NCF2: variants seen among roughly 807,000 people sequenced by gnomAD.
The protein encoded by NCF2 is neutrophil cytosolic factor 2, also known as neutrophil cytosol factor 2.
NCF2 carries 45 observed loss-of-function variants against 70.9 expected under a neutral mutation model. The ratio of observed to expected loss-of-function variants is 0.63; its 90% confidence interval spans 0.50 to 0.81. The LOEUF is 0.81. Among genes scored for constraint, NCF2 ranks in the 40% least tolerant of loss-of-function variants. NCF2 has a pLI of 0.00. For synonymous variants in NCF2, 203 were observed against 233.6 expected, an observed-to-expected ratio of 0.87 and a Z score of 1.19; for missense variants, 522 against 631.6, an observed-to-expected ratio of 0.83 and a Z score of 1.86.
At chr1:183,559,031 A>G (rs1056612346) in intron 14 of NCF2, among the ~76,000 whole-genome samples, 2 of 152,220 alleles carry the variant, frequency 1.3e-5, no homozygotes, top group African/African-American at 4.8e-5. Flanking sequence ...AGGCTGGCAA[A>G]CCACGAGTTG....
chr1:183,560,659 T>C (rs778858758), intron 13 of NCF2, among the ~76,000 whole-genome samples: 1 of 152,242 alleles, frequency 6.6e-6, no homozygotes, highest in Non-Finnish European at 1.5e-5. Flanking sequence ...GAGAATCTAA[T>C]GCTGCTGCTG....
At chr1:183,598,790 G>T in the NCF2 span, among the ~76,000 whole-genome samples, 1 of 152,274 alleles carries the variant, frequency 6.6e-6, no homozygotes, top group South Asian at 2.1e-4. Flanking sequence ...GTTGCTAGCT[G>T]CTTTAAAGAA....
chr1:183,572,553 T>G (rs909935800), intron 5 of NCF2, among the ~76,000 whole-genome samples: 2 of 152,338 alleles, frequency 1.3e-5, no homozygotes, highest in East Asian at 3.9e-4. Flanking sequence ...GGGGAAAGAC[T>G]CCTCAGCCCA....
intron 8 of NCF2, 86 bp from the exon 9 acceptor site, chr1:183,567,074 G>A: frequency 6.2e-7 from 1 of 1,606,654 alleles, no homozygotes; most frequent in Non-Finnish European, 8.5e-7. Context: ...CAGAGTCCTG[G>A]GGAAGGGATG....
chr1:183,571,149 G>A (rs1043723598), intron 5 of NCF2, among the ~76,000 whole-genome samples: 6 of 120,452 alleles, frequency 5.0e-5, no homozygotes, highest in African/African-American at 1.3e-4. Flanking sequence ...ACGGAGTCAC[G>A]CTCTGTTACC....
At position 183,564,098 on chromosome 1, in the gene NCF2, C is replaced by A. The variant is rs929658964; in HGVS notation, c.1001-68G>T. The A allele has an allele frequency of 2.0e-6, 3 of 1,478,456 alleles. No individual in the cohort carries two copies. In the African/African-American group the frequency reaches 4.2e-5, roughly 21 times the overall value. The allele number at this position is 1,478,456 out of a possible 1,614,324, so 91.6% of individuals were successfully genotyped here. On this transcript the variant is annotated intron_variant, in intron 10 of 14. Transcript: ENST00000367535. ...ATGAACATCCTTGGCCAGCCCCTGC[C>A]ACACACAGATGAAACCTCTTCAAAT...
chr1:183,594,511 A>G (rs1002577815), upstream of NCF2, among the ~76,000 whole-genome samples: 3 of 152,156 alleles, frequency 2.0e-5, no homozygotes, highest in Non-Finnish European at 2.9e-5. Context: ...AGTCATTCAT[A>G]TCAAGTTTTC....
chr1:183,591,911 A>T (rs556988673), upstream of NCF2, among the ~76,000 whole-genome samples: 1 of 152,330 alleles, frequency 6.6e-6, no homozygotes, highest in African/African-American at 2.4e-5. Context: ...AATTGAAGAG[A>T]TGAAAGTCCT....
chr1:183,600,099 A>G, the NCF2 span, among the ~76,000 whole-genome samples: 1 of 152,212 alleles, frequency 6.6e-6, no homozygotes, highest in East Asian at 1.9e-4. Context: ...ATCAGAATTA[A>G]AATATTTCTT....
chr1:183,562,114 A>AGAACATTCAACAGTGACTCCTGAGCCTG lies in NCF2; in HGVS notation c.1290+1053_1290+1080dup, dbSNP rs1672088785. ...CTCCAAAAGTAATGGATAGTGATAAAGAACATTCAACAGTGACTCCTGAGC... is the reference window on the plus strand; with the variant it reads ...CTCCAAAAGTAATGGATAGTGATAAAGAACATTCAACAGTGACTCCTGAGCCTGGAACATTCAACAGTGACTCCTGAGC... On this transcript the variant is annotated intron_variant, in intron 13 of 14. Transcript: ENST00000367535. Among the ~76,000 whole-genome samples, 4 of 152,160 alleles carry AGAACATTCAACAGTGACTCCTGAGCCTG rather than the reference A, an allele frequency of 2.6e-5. No homozygotes were observed. In the South Asian group the frequency reaches 8.3e-4, roughly 32 times the overall value.
At chr1:183,593,307 A>C (rs1238821167), upstream of NCF2, among the ~76,000 whole-genome samples, 1 of 152,168 alleles carries the variant, frequency 6.6e-6, no homozygotes, top group Non-Finnish European at 1.5e-5. Context: ...ATAGTCTTTT[A>C]ACATTTCTTT....
At chr1:183,561,905 C>T (rs12022723) in intron 13 of NCF2, among the ~76,000 whole-genome samples, 19 of 145,092 alleles carry the variant, frequency 1.3e-4, no homozygotes, top group African/African-American at 4.9e-4. Flanking sequence ...TCAAGCAATT[C>T]TGCCTCAGCC....
chr1:183,599,427 T>C, the NCF2 span, among the ~76,000 whole-genome samples: 104 of 76,160 alleles, frequency 1.4e-3, no homozygotes, highest in African/African-American at 3.0e-3. Context: ...TCTTTCCTTC[T>C]TTCTTTCTTT....
At position 183,569,312 on chromosome 1, in the gene NCF2, T is replaced by TG; in HGVS notation, c.670-128dup. On this transcript the variant is annotated intron_variant, in intron 6 of 14. Transcript: ENST00000367535. ...GAAAATCAAATAACGCATTTCTGAC[T>TG]GATGAGAACACTGTCTAGGAAGAGG... The TG allele has an allele frequency of 3.4e-6, 3 of 887,048 alleles. No homozygotes were observed. In the South Asian group the frequency reaches 4.0e-5, roughly 12 times the overall value. The allele number at this position is 887,048 out of a possible 1,614,324, so 54.9% of individuals were successfully genotyped here.
intron 14 of NCF2, among the ~76,000 whole-genome samples, chr1:183,557,071 G>A (rs1671821613): frequency 6.6e-6 from 1 of 152,104 alleles, no homozygotes; most frequent in South Asian, 2.1e-4. Context: ...TGCAGGCATT[G>A]TACTTAAAAA....
intron 9 of NCF2, 128 bp from the exon 10 acceptor site, chr1:183,565,907 G>A (rs1367479511): frequency 4.5e-6 from 4 of 887,352 alleles, no homozygotes; most frequent in Non-Finnish European, 7.3e-6. Context: ...CTAAAAGTTG[G>A]AATGGTAGTG....
chr1:183,590,032 T>G, intron 1 of NCF2, 124 bp downstream of exon 1: 1 of 1,433,934 alleles, frequency 7.0e-7, no homozygotes, highest in Non-Finnish European at 9.8e-7. Flanking sequence ...TGTCTAGGGG[T>G]GGAGCTTGGG....
intron 4 of NCF2, 91 bp from the exon 5 acceptor site, chr1:183,573,383 A>C: frequency 8.6e-7 from 1 of 1,165,330 alleles, no homozygotes. Context: ...GCAAGAATTC[A>C]TTGAGATAAC....
intron 2 of NCF2, among the ~76,000 whole-genome samples, chr1:183,578,437 A>C (rs1672904180): frequency 6.6e-6 from 1 of 151,380 alleles, no homozygotes; most frequent in Admixed American, 6.6e-5. Flanking sequence ...AGCTCGCTGC[A>C]AGCTCCACCT....
Sources: gnomAD v4.1 joint callset for allele counts (sites outside exome capture counted in the v4.1 genomes callset) on GRCh38, gnomAD v4.1.1 for gene constraint, MANE v1.5 for transcripts, NCBI Gene and HGNC (gene_info 2026-07-23, HGNC 2026-07-21) for gene names.